Variants in KHDRBS2 observed in about 807,000 individuals in gnomAD.
KHDRBS2 encodes the protein KH domain-containing, RNA-binding, signal transduction-associated protein 2.
A neutral mutation model predicts 44.3 loss-of-function variants in KHDRBS2; 26 were observed. The ratio of observed to expected loss-of-function variants is 0.59; its 90% CI spans 0.43 to 0.81. The LOEUF is 0.81. KHDRBS2 is among the 40% of genes least tolerant of loss of function. The probability of loss-of-function intolerance (pLI) is 0.00; values close to 1 mark genes in which losing one functional copy is unlikely to be tolerated. For synonymous variants in KHDRBS2, 194 were observed against 151.1 expected (o/e 1.28, Z -2.08); for missense variants, 476 against 433.1 (o/e 1.10, Z -0.88).
intron 2 of KHDRBS2, among the ~76,000 whole-genome samples, chr6:62,072,378 C>T (rs1070144): frequency 0.18 from 27,714 of 151,982 alleles, 3,027 homozygotes; most frequent in African/African-American, 0.31. Context: ...TCCAACACTA[C>T]GTTGAATAGG....
At chr6:61,944,371 A>T (rs1296373247) in intron 4 of KHDRBS2, among the ~76,000 whole-genome samples, 1 of 152,130 alleles carries the variant, frequency 6.6e-6, no homozygotes, top group Non-Finnish European at 1.5e-5. Flanking sequence ...ATTGAACTGA[A>T]AGTTATTATG....
intron 6 of KHDRBS2, among the ~76,000 whole-genome samples, chr6:61,890,207 T>G (rs1801607391): frequency 6.6e-6 from 1 of 152,192 alleles, no homozygotes; most frequent in Non-Finnish European, 1.5e-5. Flanking sequence ...AGATGGAGGC[T>G]CAGTGAGTGA....
chr6:61,694,870 A>G (rs565970990), intron 8 of KHDRBS2, among the ~76,000 whole-genome samples: 1 of 152,286 alleles, frequency 6.6e-6, no homozygotes, highest in East Asian at 1.9e-4. Flanking sequence ...CTGTGAAATA[A>G]TTTCTGAAAT....
intron 2 of KHDRBS2, among the ~76,000 whole-genome samples, chr6:62,144,508 T>TATGTATTAA (rs1813524395): frequency 6.6e-6 from 1 of 151,920 alleles, no homozygotes; most frequent in African/African-American, 2.4e-5. Flanking sequence ...TTAATACCTG[T>TATGTATTAA]ATACGTAAAT....
the KHDRBS2 span, among the ~76,000 whole-genome samples, chr6:61,572,262 A>C: frequency 6.6e-6 from 1 of 152,144 alleles, no homozygotes; most frequent in Admixed American, 6.6e-5. Context: ...CTCCTAGATT[A>C]AATAAGGAAG....
chr6:61,799,396 A>G (rs763665705), intron 6 of KHDRBS2, among the ~76,000 whole-genome samples: 12 of 151,918 alleles, frequency 7.9e-5, no homozygotes, highest in Non-Finnish European at 1.6e-4. Flanking sequence ...TCTTTTTTAC[A>G]TAGTTCATGA....
chr6:61,665,245 A>G, the KHDRBS2 span, among the ~76,000 whole-genome samples: 1 of 151,598 alleles, frequency 6.6e-6, no homozygotes, highest in Non-Finnish European at 1.5e-5. Flanking sequence ...AGTATTGGAC[A>G]TACGGTTTAG....
chr6:61,824,199 C>T (rs970811005), intron 6 of KHDRBS2, among the ~76,000 whole-genome samples: 7 of 152,004 alleles, frequency 4.6e-5, no homozygotes, highest in Non-Finnish European at 1.0e-4. Flanking sequence ...GGCTCTGTTC[C>T]CACCCAAATC....
the KHDRBS2 span, among the ~76,000 whole-genome samples, chr6:61,619,772 G>A: frequency 8.6e-5 from 13 of 151,956 alleles, no homozygotes; most frequent in African/African-American, 3.1e-4. Context: ...TTTAATGGCT[G>A]AGTAGTATTC....
intron 3 of KHDRBS2, among the ~76,000 whole-genome samples, chr6:61,991,265 TGC>T (rs1306109139): frequency 6.6e-6 from 1 of 152,222 alleles, no homozygotes; most frequent in East Asian, 1.9e-4. Context: ...CTTGAGTGTA[TGC>T]CAAATAAAGT....
intron 3 of KHDRBS2, among the ~76,000 whole-genome samples, chr6:62,002,406 A>C (rs1778423013): frequency 6.6e-6 from 1 of 151,842 alleles, no homozygotes; most frequent in African/African-American, 2.4e-5. Context: ...TGATAAAAAT[A>C]TATTTTCAAA....
intron 2 of KHDRBS2, among the ~76,000 whole-genome samples, chr6:62,060,672 A>T (rs1791604337): frequency 6.6e-6 from 1 of 151,632 alleles, no homozygotes; most frequent in Non-Finnish European, 1.5e-5. Flanking sequence ...TTTAAAAGAG[A>T]AATATCTACC....
At chr6:61,691,310 C>A (rs960424901) in intron 8 of KHDRBS2, among the ~76,000 whole-genome samples, 7 of 152,072 alleles carry the variant, frequency 4.6e-5, no homozygotes, top group South Asian at 2.1e-4. Context: ...AGGCAACATG[C>A]TCTGCACTTA....
At chr6:62,006,918 A>G (rs1408986982) in intron 3 of KHDRBS2, among the ~76,000 whole-genome samples, 1 of 152,044 alleles carries the variant, frequency 6.6e-6, no homozygotes, top group Admixed American at 6.6e-5. Flanking sequence ...AATTTTTTTT[A>G]AATTCAGCTT....
At chr6:62,074,594 A>G (rs1485658734) in intron 2 of KHDRBS2, among the ~76,000 whole-genome samples, 1 of 151,832 alleles carries the variant, frequency 6.6e-6, no homozygotes. Context: ...TTTATTTTCT[A>G]TCTTCTTGAG....
chr6:61,688,297 T>C (rs1448798930), intron 8 of KHDRBS2, among the ~76,000 whole-genome samples: 2 of 151,868 alleles, frequency 1.3e-5, no homozygotes, highest in Non-Finnish European at 2.9e-5. Context: ...AAATGGTGAA[T>C]GATAATTTGG....
chr6:61,759,099 G>C (rs1190474009), intron 6 of KHDRBS2, among the ~76,000 whole-genome samples: 1 of 152,000 alleles, frequency 6.6e-6, no homozygotes, highest in African/African-American at 2.4e-5. Context: ...GATTTTCAAA[G>C]GACTTCAAGC....
At chr6:62,081,643 T>C (rs901049756) in intron 2 of KHDRBS2, among the ~76,000 whole-genome samples, 5 of 152,174 alleles carry the variant, frequency 3.3e-5, no homozygotes, top group African/African-American at 7.2e-5. Context: ...TACTGAATGG[T>C]AGCACATTTC....
At chr6:61,678,420 CTG>C (rs955136634), downstream of KHDRBS2, among the ~76,000 whole-genome samples, 48 of 152,050 alleles carry the variant, frequency 3.2e-4, no homozygotes, top group Non-Finnish European at 5.7e-4. Context: ...AATGGGATAA[CTG>C]GGGAAAATAA....
Sources: gnomAD v4.1 joint callset for allele counts (sites outside exome capture counted in the v4.1 genomes callset) on GRCh38, gnomAD v4.1.1 for gene constraint, MANE v1.5 for transcripts, NCBI Gene and HGNC (gene_info 2026-07-23, HGNC 2026-07-21) for gene names.